Variants in DCAF8L2 observed in about 807,000 individuals in gnomAD.
The protein encoded by DCAF8L2 is DDB1- and CUL4-associated factor 8-like protein 2.
For synonymous variants in DCAF8L2, 200 were observed against 190.9 expected (o/e 1.05, Z -0.39); for missense variants, 430 against 490.7 (o/e 0.88, Z 1.17).
intron 2 of DCAF8L2, among the ~76,000 whole-genome samples, chrX:27,648,587 A>G (rs1439600518): frequency 9.1e-6 from 1 of 109,323 alleles, no homozygotes; most frequent in African/African-American, 3.3e-5. Flanking sequence ...TTATCAGGAA[A>G]TGTATATCAT....
chrX:27,639,837 A>G (rs765045064), intron 2 of DCAF8L2, among the ~76,000 whole-genome samples: 26 of 111,922 alleles, frequency 2.3e-4, no homozygotes, highest in Admixed American at 1.8e-3. Context: ...ATCGTAATAC[A>G]TATTATTTTA....
the DCAF8L2 span, among the ~76,000 whole-genome samples, chrX:27,572,259 G>A: frequency 9.0e-6 from 1 of 111,539 alleles, no homozygotes; most frequent in African/African-American, 3.3e-5. Context: ...ATACAGTCAA[G>A]CAATTCTAAG....
At chrX:27,535,082 C>T in the DCAF8L2 span, among the ~76,000 whole-genome samples, 1 of 112,152 alleles carries the variant, frequency 8.9e-6, no homozygotes, top group Non-Finnish European at 1.9e-5. Flanking sequence ...CACTAACATT[C>T]ATTCATTCAA....
At chrX:27,565,919 T>C in the DCAF8L2 span, among the ~76,000 whole-genome samples, 2 of 110,879 alleles carry the variant, frequency 1.8e-5, no homozygotes, top group East Asian at 5.7e-4. Flanking sequence ...GTGTCTTAAT[T>C]TGTATAAGGT....
chrX:27,593,628 C>T (rs1057440496), intron 1 of DCAF8L2, among the ~76,000 whole-genome samples: 8 of 111,201 alleles, frequency 7.2e-5, no homozygotes, highest in Non-Finnish European at 1.3e-4. Flanking sequence ...CAGGGAATCC[C>T]GAGGACTTCA....
At chrX:27,712,017 T>C (rs902164348) in intron 3 of DCAF8L2, among the ~76,000 whole-genome samples, 2 of 111,571 alleles carry the variant, frequency 1.8e-5, no homozygotes, top group Non-Finnish European at 3.8e-5. Flanking sequence ...ATTATCCTTT[T>C]AATAGATATA....
chrX:27,571,115 A>G, the DCAF8L2 span, among the ~76,000 whole-genome samples: 1 of 111,880 alleles, frequency 8.9e-6, no homozygotes, highest in Non-Finnish European at 1.9e-5. Context: ...CCTCTCATAT[A>G]TTTGAAGACA....
At chrX:27,598,136 G>A (rs1353740098) in intron 1 of DCAF8L2, among the ~76,000 whole-genome samples, 1 of 112,203 alleles carries the variant, frequency 8.9e-6, no homozygotes, top group East Asian at 2.8e-4. Context: ...AAATGAATTG[G>A]AAAATTTGAA....
At chrX:27,549,578 T>C in the DCAF8L2 span, among the ~76,000 whole-genome samples, 3 of 109,264 alleles carry the variant, frequency 2.7e-5, no homozygotes, top group African/African-American at 9.9e-5. Context: ...AGGCTATAGA[T>C]TTAATGACAA....
intron 3 of DCAF8L2, among the ~76,000 whole-genome samples, chrX:27,693,007 A>G (rs1397091228): frequency 2.7e-5 from 3 of 112,004 alleles, no homozygotes; most frequent in African/African-American, 9.7e-5. Flanking sequence ...GTTATGCAAT[A>G]TATGTGCCAG....
chrX:27,488,613 A>G, the DCAF8L2 span, among the ~76,000 whole-genome samples: 1 of 107,876 alleles, frequency 9.3e-6, no homozygotes, highest in African/African-American at 3.4e-5. Flanking sequence ...GGGAATAAAG[A>G]TGTACACGCA....
chrX:27,541,412 C>G, the DCAF8L2 span, among the ~76,000 whole-genome samples: 1 of 102,014 alleles, frequency 9.8e-6, no homozygotes, highest in South Asian at 4.4e-4. Flanking sequence ...TCTTGTTGCC[C>G]AGGCTGGAGT....
the DCAF8L2 span, among the ~76,000 whole-genome samples, chrX:27,475,162 T>C: frequency 9.1e-6 from 1 of 109,458 alleles, no homozygotes; most frequent in South Asian, 4.2e-4. Context: ...TGAGTTACTA[T>C]TTAAGCAAAA....
At chrX:27,504,592 C>A in the DCAF8L2 span, among the ~76,000 whole-genome samples, 2 of 111,036 alleles carry the variant, frequency 1.8e-5, no homozygotes, top group Non-Finnish European at 3.8e-5. Flanking sequence ...CCTTTTCTGG[C>A]ACTATCTCAT....
At chrX:27,659,677 G>T (rs1365932044) in intron 2 of DCAF8L2, among the ~76,000 whole-genome samples, 1 of 109,987 alleles carries the variant, frequency 9.1e-6, no homozygotes, top group Non-Finnish European at 1.9e-5. Context: ...CTTTCTTCAA[G>T]GTCAGAACAT....
chrX:27,724,588 A>G (rs1048851847), intron 4 of DCAF8L2, among the ~76,000 whole-genome samples: 2 of 111,355 alleles, frequency 1.8e-5, no homozygotes, highest in African/African-American at 6.5e-5. Flanking sequence ...GGTTACCTGT[A>G]TACTAACTTT....
intron 2 of DCAF8L2, among the ~76,000 whole-genome samples, chrX:27,635,868 C>G (rs1928481404): frequency 9.4e-6 from 1 of 106,160 alleles, no homozygotes; most frequent in African/African-American, 3.5e-5. Context: ...CTGGAGTGCA[C>G]TGGCGCCATC....
At chrX:27,486,308 AT>A in the DCAF8L2 span, among the ~76,000 whole-genome samples, 1 of 110,590 alleles carries the variant, frequency 9.0e-6, no homozygotes, top group Admixed American at 9.7e-5. Flanking sequence ...ACCCAGCCAG[AT>A]TTTTTTAAAC....
At chrX:27,538,385 T>TTTTA in the DCAF8L2 span, among the ~76,000 whole-genome samples, 134 of 110,366 alleles carry the variant, frequency 1.2e-3, 2 homozygotes, top group East Asian at 0.026. Context: ...CAACAAAAAT[T>TTTTA]TTTATTTATT....
Sources: gnomAD v4.1 joint callset for allele counts (sites outside exome capture counted in the v4.1 genomes callset) on GRCh38, gnomAD v4.1.1 for gene constraint, MANE v1.5 for transcripts, NCBI Gene and HGNC (gene_info 2026-07-23, HGNC 2026-07-21) for gene names.